ARHGEF18: variants seen among roughly 807,000 people sequenced by gnomAD.
The protein encoded by ARHGEF18 is Rho/Rac guanine nucleotide exchange factor 18.
A neutral mutation model predicts 155.7 loss-of-function variants in ARHGEF18; 93 were observed. The observed-to-expected ratio is 0.60, with a 90% CI of 0.50 to 0.71. The LOEUF (loss-of-function observed/expected upper bound fraction) is 0.71. Among genes scored for constraint, ARHGEF18 ranks in the 30% least tolerant of loss-of-function variants. ARHGEF18 has a pLI of 0.00. For synonymous variants in ARHGEF18, 742 were observed against 753.1 expected (o/e 0.99, Z 0.24); for missense variants, 1,593 against 1,816.1 (o/e 0.88, Z 2.23).
intron 3 of ARHGEF18, among the ~76,000 whole-genome samples, chr19:7,375,442 A>AGGAAGGAAGG (rs1239807383): frequency 6.6e-6 from 1 of 152,070 alleles, no homozygotes; most frequent in African/African-American, 2.4e-5. Context: ...GAAGAAAAGA[A>AGGAAGGAAGG]AAGAAAGAAA....
chr19:7,470,197 G>C lies in ARHGEF18; in HGVS notation c.3985G>C (p.Gly1329Arg). ...CGAGGGCTTCTCTCTCAAGGCCGGG[G>C]GCACAGCCCTCCTGCCCGGGCCCCC... ...PSEGFSLKAG[G>R]TALLPGPPAP... Residue 1329 changes from glycine to arginine, a missense_variant, in exon 29 of 29, where the codon GGC (glycine) becomes CGC (arginine). Coordinates refer to ENST00000668164, the MANE Select transcript of ARHGEF18 (RefSeq NM_001367823.1). The surrounding 1 kb of genome is among the most constrained non-coding windows in gnomAD (Gnocchi z 5.9). 5.0e-6 allele frequency: 8 copies of C among 1,611,692 alleles called. No individual in the cohort carries two copies. The highest frequency in any genetic ancestry group is 5.9e-6 in the Non-Finnish European group (7 of 1,179,466).
chr19:7,360,452 T>C (rs1444569723), intron 1 of ARHGEF18, among the ~76,000 whole-genome samples: 1 of 152,100 alleles, frequency 6.6e-6, no homozygotes, highest in Non-Finnish European at 1.5e-5. Flanking sequence ...GTCAGGCTGG[T>C]CTCAAACTCC....
chr19:7,374,881 C>G lies in ARHGEF18; in HGVS notation c.276-839C>G, dbSNP rs115903705. The stretch of plus-strand genomic sequence containing the variant: ...ATGATCAGAACGGAAATGTGTGAGA[C>G]ACCATGCACCCCACAGTGGCAGCAC... On this transcript the variant is annotated intron_variant, in intron 3 of 28. Coordinates refer to ENST00000668164, the MANE Select transcript of ARHGEF18 (RefSeq NM_001367823.1). Among the ~76,000 whole-genome samples the G allele has an allele frequency of 1.1e-3, 172 of 152,266 alleles. 1 individual carries two copies. The highest frequency in any genetic ancestry group is 4.0e-3 in the African/African-American group (166 of 41,558).
At chr19:7,408,474 C>A (rs901289385) in intron 10 of ARHGEF18, among the ~76,000 whole-genome samples, 4 of 152,216 alleles carry the variant, frequency 2.6e-5, no homozygotes, top group African/African-American at 9.6e-5. Flanking sequence ...CTACAGTAGA[C>A]GCATCATTTT....
At chr19:7,477,708 GA>G in the ARHGEF18 span, among the ~76,000 whole-genome samples, 1 of 152,198 alleles carries the variant, frequency 6.6e-6, no homozygotes. Flanking sequence ...GATTCCTTGT[GA>G]AAAACAGAAA....
chr19:7,419,156 C>T (rs1973191356), intron 10 of ARHGEF18, among the ~76,000 whole-genome samples: 1 of 141,936 alleles, frequency 7.0e-6, no homozygotes, highest in Admixed American at 6.7e-5. Flanking sequence ...CCCAGATGTA[C>T]CCACCCTCAG....
At position 7,455,312 on chromosome 19, in the gene ARHGEF18, A is replaced by G. The variant is rs554879718; in HGVS notation, c.2105-1015A>G. On this transcript the variant is annotated intron_variant, in intron 17 of 28. Coordinates refer to ENST00000668164, the MANE Select transcript of ARHGEF18 (RefSeq NM_001367823.1). ...GAGAAACAAGCCAAAAAACGGAAAA[A>G]CTAGTTAGAAGTCCAGCACATGCTT... 1.8e-4 allele frequency among the ~76,000 whole-genome samples: 28 copies of G among 152,312 alleles called. 1 individual carries two copies. Among genetic ancestry groups the G allele is most frequent in the African/African-American group, 6.7e-4 (28 of 41,562 alleles).
At chr19:7,424,792 G>C (rs1034758767) in intron 10 of ARHGEF18, among the ~76,000 whole-genome samples, 1 of 151,880 alleles carries the variant, frequency 6.6e-6, no homozygotes, top group Admixed American at 6.6e-5. Context: ...TCAGGAGATC[G>C]GGACCATCCT....
chr19:7,458,598 C>T lies in ARHGEF18; in HGVS notation c.2268C>T (p.Ala756=), dbSNP rs1244950467. 1.2e-5 allele frequency: 19 copies of T among 1,614,176 alleles called. No homozygotes were observed. Among genetic ancestry groups the T allele is most frequent in the Non-Finnish European group, 1.6e-5 (19 of 1,180,042 alleles). ...NEEKAMFLIS[A]SLQGPEMYEI... ...AGAAAGCGATGTTTCTGATCAGCGC[C>T]TCCTTGCAAGGGCCGGAGATGTATG... The change falls in exon 19 of 29, where the codon GCC becomes GCT. Residue 756 remains alanine, a synonymous_variant. Coordinates refer to ENST00000668164, the MANE Select transcript of ARHGEF18 (RefSeq NM_001367823.1).
At position 7,440,146 on chromosome 19, in the gene ARHGEF18, T is replaced by C; in HGVS notation, c.968-198T>C. On this transcript the variant is annotated intron_variant, in intron 10 of 28. Coordinates refer to ENST00000668164, the MANE Select transcript of ARHGEF18 (RefSeq NM_001367823.1). This position sits in a 1 kb window ranked among gnomAD's most constrained non-coding sequence, Gnocchi z 5.4. ...AAAAGCGGGGACAGGCACAGCGCGC[T>C]CCCCGGCCGCCCCGAGCTGTCTTTT... The C allele has an allele frequency of 1.3e-6, 2 of 1,551,050 alleles. No individual in the cohort carries two copies. The highest frequency in any genetic ancestry group is 1.7e-6 in the Non-Finnish European group (2 of 1,146,874).
intron 4 of ARHGEF18, 123 bp downstream of exon 4, chr19:7,375,993 G>T: frequency 3.7e-6 from 4 of 1,089,238 alleles, no homozygotes; most frequent in Non-Finnish European, 4.7e-6. Flanking sequence ...CAGGGTGGAG[G>T]CTGCTTATCT....
chr19:7,418,791 G>A (rs368865830), intron 10 of ARHGEF18, among the ~76,000 whole-genome samples: 37 of 152,192 alleles, frequency 2.4e-4, no homozygotes, highest in African/African-American at 8.4e-4. Flanking sequence ...TCAAGGGGGA[G>A]AGAGGGAGGA....
intron 1 of ARHGEF18, among the ~76,000 whole-genome samples, chr19:7,349,473 G>T (rs944282345): frequency 3.9e-5 from 6 of 152,072 alleles, no homozygotes; most frequent in Non-Finnish European, 7.4e-5. Context: ...TTGAGGGGCT[G>T]CTAGGTAAGA....
chr19:7,350,763 GGT>G lies in ARHGEF18; in HGVS notation c.-111+1524_-111+1525del, dbSNP rs1391562547. ...GTTAAAAGGCTGTTGAGTTTTTTGG[GGT>G]GGGTGTGTGTGTGTGTGTGTGTGTG... On this transcript the variant is annotated intron_variant, in intron 1 of 28. Coordinates refer to ENST00000668164, the MANE Select transcript of ARHGEF18 (RefSeq NM_001367823.1). 4.1e-4 allele frequency among the ~76,000 whole-genome samples: 55 copies of G among 133,250 alleles called. 1 individual carries two copies. The highest frequency in any genetic ancestry group is 1.5e-3 in the South Asian group (6 of 4,022). The allele number at this position is 133,250 out of a possible 152,430, so 87.4% of individuals were successfully genotyped here.
chr19:7,381,327 G>A (rs1195674692), intron 8 of ARHGEF18, among the ~76,000 whole-genome samples: 1 of 151,320 alleles, frequency 6.6e-6, no homozygotes, highest in Non-Finnish European at 1.5e-5. Context: ...GAAGGTGGGA[G>A]AAATCAGCAG....
At chr19:7,400,555 G>A (rs188286080) in intron 10 of ARHGEF18, among the ~76,000 whole-genome samples, 43 of 152,170 alleles carry the variant, frequency 2.8e-4, no homozygotes, top group Admixed American at 1.4e-3. Context: ...AAAATTGGCC[G>A]GGCACAGCAG....
chr19:7,459,171 G>A (rs140706869), intron 19 of ARHGEF18, among the ~76,000 whole-genome samples: 238 of 152,118 alleles, frequency 1.6e-3, no homozygotes, highest in African/African-American at 5.2e-3. Context: ...CAGCCTCCCC[G>A]AGTAGCTGGG....
At position 7,395,019 on chromosome 19, in the gene ARHGEF18, G is replaced by C; in HGVS notation, c.967+11816G>C. ...ACGGCTCGGGGAGCAGCAGCCCCAG[G>C]TCCCCGGGAGCGCCCCGCCCTCGAG... On this transcript the variant is annotated intron_variant, in intron 10 of 28. Transcript: ENST00000668164. The surrounding 1 kb of genome is among the most constrained non-coding windows in gnomAD (Gnocchi z 5.0). 1.0e-6 allele frequency: 1 copy of C among 982,146 alleles called. No individual in the cohort carries two copies. Among genetic ancestry groups the C allele is most frequent in the East Asian group, 1.1e-4 (1 of 8,770 alleles). 60.8% of individuals were successfully genotyped at this position (982,146 alleles called of 1,614,324 possible). A position where few individuals can be genotyped will look rare whatever the true frequency, so the allele number is the denominator to read the frequency against.
Position 7,463,851 on chromosome 19 carries a change from T to C in ARHGEF18, c.2669T>C (p.Leu890Pro). 1 of 1,606,518 alleles carries C rather than the reference T, an allele frequency of 6.2e-7. No individual in the cohort carries two copies. The change falls in exon 22 of 29, where the codon CTG becomes CCG. Residue 890 changes from leucine (L) to proline (P), a missense_variant. By Grantham distance (98) the Leu-to-Pro change is moderately conservative. Transcript: ENST00000668164. The surrounding 1 kb of genome is among the most constrained non-coding windows in gnomAD (Gnocchi z 5.2). Reference sequence around the variant, plus strand: ...ATCCAGAGCCTGATCTGCAGGCAGCTGGGCAGCGCCAACGGCCAGGCGGAA... The same window carrying C: ...ATCCAGAGCCTGATCTGCAGGCAGCCGGGCAGCGCCAACGGCCAGGCGGAA... ...EGIQSLICRQ[L>P]GSANGQAEDG...
Sources: allele counts gnomAD v4.1 joint callset (sites outside exome capture counted in the v4.1 genomes callset), GRCh38; gene constraint gnomAD v4.1.1; non-coding constraint Gnocchi (gnomAD v3.1); transcripts MANE v1.5; gene names NCBI Gene and HGNC (gene_info 2026-07-23, HGNC 2026-07-21).